GBE1: variants seen among roughly 807,000 people sequenced by gnomAD.
GBE1 encodes 1,4-alpha-glucan branching enzyme 1.
Under a neutral mutation model 88.8 loss-of-function variants are expected in GBE1, and 70 were observed. That is an observed-to-expected ratio of 0.79 (90% CI 0.65 to 0.96). The LOEUF (loss-of-function observed/expected upper bound fraction) is 0.96. Ranked by LOEUF, GBE1 falls within the 40% of genes least tolerant of loss-of-function variation. GBE1 has a pLI of 0.00. For synonymous variants in GBE1, 284 were observed against 300.1 expected (o/e 0.95, Z 0.56); for missense variants, 872 against 871.0 (o/e 1.00, Z -0.01).
At chr3:81,624,113 A>G (rs1480997471) in intron 7 of GBE1, among the ~76,000 whole-genome samples, 1 of 152,164 alleles carries the variant, frequency 6.6e-6, no homozygotes, top group Non-Finnish European at 1.5e-5. Context: ...GGAAACTTAC[A>G]ATCATGGCAG....
chr3:81,572,818 T>C (rs1703592178), intron 12 of GBE1, among the ~76,000 whole-genome samples: 1 of 152,204 alleles, frequency 6.6e-6, no homozygotes, highest in Non-Finnish European at 1.5e-5. Flanking sequence ...GGTGTTTTTT[T>C]CCCTAATGTG....
chr3:81,741,035 G>A (rs1270279512), intron 1 of GBE1, among the ~76,000 whole-genome samples: 2 of 152,058 alleles, frequency 1.3e-5, no homozygotes, highest in African/African-American at 4.8e-5. Flanking sequence ...GGCTATTTAT[G>A]GCTTATTCAA....
chr3:81,679,732 G>A (rs1705311152), intron 2 of GBE1, among the ~76,000 whole-genome samples: 1 of 152,062 alleles, frequency 6.6e-6, no homozygotes, highest in Non-Finnish European at 1.5e-5. Context: ...TGTATGGTGG[G>A]TATTATATTT....
At chr3:81,589,671 GTA>G (rs1703850334) in intron 9 of GBE1, among the ~76,000 whole-genome samples, 2 of 151,934 alleles carry the variant, frequency 1.3e-5, no homozygotes, top group Non-Finnish European at 2.9e-5. Context: ...TAACTTTCAT[GTA>G]TTAAATCATT....
chr3:81,611,589 A>T (rs753827765), intron 7 of GBE1, among the ~76,000 whole-genome samples: 3 of 152,188 alleles, frequency 2.0e-5, no homozygotes, highest in Admixed American at 6.6e-5. Flanking sequence ...CAAATACGAA[A>T]TGAGCTATCT....
rs1347664692 is a variant in GBE1, at chr3:81,722,915, T to TATATATATAC, written c.144-17303_144-17302insGTATATATAT. ...GTGTGTGTATATATATATATATATA[T>TATATATATAC]ACACACAAGTAAATATATATGTACT... On this transcript the variant is annotated intron_variant, in intron 1 of 15. Coordinates refer to ENST00000429644, the MANE Select transcript of GBE1 (RefSeq NM_000158.4). Among the ~76,000 whole-genome samples, 247 of 145,448 alleles carry TATATATATAC rather than the reference T, an allele frequency of 1.7e-3. 3 individuals are homozygous for TATATATATAC. Among genetic ancestry groups the TATATATATAC allele is most frequent in the African/African-American group, 5.6e-3 (226 of 40,086 alleles).
At chr3:81,600,988 A>C (rs1375896466) in intron 7 of GBE1, among the ~76,000 whole-genome samples, 5 of 152,104 alleles carry the variant, frequency 3.3e-5, no homozygotes, top group African/African-American at 1.2e-4. Flanking sequence ...ATTATATTTA[A>C]ATTTCGAACA....
chr3:81,534,775 A>T (rs1475512418), intron 14 of GBE1: 4 of 152,740 alleles, frequency 2.6e-5, no homozygotes, highest in African/African-American at 9.7e-5. Context: ...TTTAAGAAAT[A>T]TTATTTAAGA....
At chr3:81,546,471 T>C (rs776022976) in intron 12 of GBE1, among the ~76,000 whole-genome samples, 23 of 151,854 alleles carry the variant, frequency 1.5e-4, no homozygotes, top group Non-Finnish European at 2.7e-4. Flanking sequence ...CCCAGATGCT[T>C]AGGCATTCTA....
At chr3:81,562,648 A>G (rs1330632139) in intron 12 of GBE1, among the ~76,000 whole-genome samples, 1 of 152,082 alleles carries the variant, frequency 6.6e-6, no homozygotes, top group Non-Finnish European at 1.5e-5. Context: ...TCAAGAAATT[A>G]TAGCCATTTT....
intron 14 of GBE1, among the ~76,000 whole-genome samples, chr3:81,502,328 A>G (rs1702597652): frequency 6.6e-6 from 1 of 152,204 alleles, no homozygotes; most frequent in Non-Finnish European, 1.5e-5. Flanking sequence ...CTTACTTTAT[A>G]TAATTGGTAG....
At chr3:81,730,531 A>C (rs1031258341) in intron 1 of GBE1, among the ~76,000 whole-genome samples, 1 of 152,214 alleles carries the variant, frequency 6.6e-6, no homozygotes, top group Non-Finnish European at 1.5e-5. Flanking sequence ...ATTTTCAGTT[A>C]ATTGAAAGCT....
At chr3:81,714,216 C>A (rs1705909669) in intron 1 of GBE1, among the ~76,000 whole-genome samples, 1 of 152,080 alleles carries the variant, frequency 6.6e-6, no homozygotes, top group African/African-American at 2.4e-5. Flanking sequence ...TTTCAATGAA[C>A]AAATATTTAG....
chr3:81,617,914 A>G (rs888828042), intron 7 of GBE1, among the ~76,000 whole-genome samples: 1 of 152,042 alleles, frequency 6.6e-6, no homozygotes, highest in East Asian at 1.9e-4. Flanking sequence ...CAGGGTAATT[A>G]TAGTATTTCA....
rs113641146 is a variant in GBE1 at position 81,494,863 on chromosome 3, T to G, written c.2052+4247A>C. 1.3e-5 allele frequency among the ~76,000 whole-genome samples: 2 copies of G among 152,338 alleles called. 1 individual carries two copies. The highest frequency in any genetic ancestry group is 4.8e-5 in the African/African-American group (2 of 41,582). On this transcript the variant is annotated intron_variant, in intron 15 of 15. Transcript: ENST00000429644. ...TGCTCACACAATGCTCTATTTTATG[T>G]CATTCAGGCAAAATGTTATTTTCCT...
chr3:81,568,568 T>C (rs572207975), intron 12 of GBE1, among the ~76,000 whole-genome samples: 5 of 152,324 alleles, frequency 3.3e-5, no homozygotes, highest in African/African-American at 9.6e-5. Context: ...CTGACCACTT[T>C]GCATGTCAAG....
chr3:81,523,858 C>T (rs561522941), intron 14 of GBE1, among the ~76,000 whole-genome samples: 7 of 151,784 alleles, frequency 4.6e-5, no homozygotes, highest in East Asian at 1.9e-4. Flanking sequence ...AATAGTATTC[C>T]GTTGTGTATA....
At chr3:81,671,448 T>C (rs1339850552) in intron 2 of GBE1, among the ~76,000 whole-genome samples, 1 of 151,874 alleles carries the variant, frequency 6.6e-6, no homozygotes, top group Non-Finnish European at 1.5e-5. Flanking sequence ...TTATATAAAG[T>C]ATAGGAAGTA....
intron 12 of GBE1, among the ~76,000 whole-genome samples, chr3:81,550,662 TA>T (rs1703259269): frequency 6.6e-6 from 1 of 152,106 alleles, no homozygotes; most frequent in Non-Finnish European, 1.5e-5. Flanking sequence ...AGAAGCCAGC[TA>T]AAACCCACCA....
Sources: allele counts gnomAD v4.1 joint callset (sites outside exome capture counted in the v4.1 genomes callset), GRCh38; gene constraint gnomAD v4.1.1; transcripts MANE v1.5; gene names NCBI Gene and HGNC (gene_info 2026-07-23, HGNC 2026-07-21).